Variants in ATG7 observed in about 807,000 individuals in gnomAD.
The protein encoded by ATG7 is autophagy related 7.
ATG7 carries 70 observed loss-of-function variants against 82.4 expected under a neutral mutation model. That is an observed-to-expected ratio of 0.85 (90% CI 0.70 to 1.04). ATG7 has a LOEUF of 1.04. Among genes scored for constraint, ATG7 ranks in the 50% least tolerant of loss-of-function variants. ATG7 has a pLI of 0.00. For missense variants in ATG7, 792 were observed against 864.3 expected (o/e 0.92, Z 1.05); for synonymous variants, 287 against 313.0 (o/e 0.92, Z 0.88).
At chr3:11,449,047 A>G (rs902841814) in intron 20 of ATG7, among the ~76,000 whole-genome samples, 5 of 152,242 alleles carry the variant, frequency 3.3e-5, no homozygotes, top group African/African-American at 9.6e-5. Context: ...CCTTCCCTTC[A>G]TTGAACTTAC....
intron 20 of ATG7, among the ~76,000 whole-genome samples, chr3:11,439,474 T>A (rs1237241561): frequency 6.6e-6 from 1 of 152,200 alleles, no homozygotes; most frequent in Non-Finnish European, 1.5e-5. Context: ...TAAATATTGT[T>A]GATCTTTTAT....
At chr3:11,279,567 C>G (rs1017510258) in intron 1 of ATG7, among the ~76,000 whole-genome samples, 1 of 152,094 alleles carries the variant, frequency 6.6e-6, no homozygotes, top group African/African-American at 2.4e-5. Flanking sequence ...GCCTGTAATC[C>G]CAGCTACTCA....
Position 11,340,663 on chromosome 3 carries a change from G to C in ATG7, c.908G>C (p.Gly303Ala). Residue 303 changes from glycine (G) to alanine (A), a missense_variant, in exon 12 of 21, where the codon GGA becomes GCA. Gly to Ala is a moderately conservative substitution (Grantham distance 60). Coordinates refer to ENST00000693202, the MANE Select transcript of ATG7 (RefSeq NM_001349232.2). Reference protein sequence around the residue: ...AFSPDCPKAVGWEKNQKGGMG... With the variant: ...AFSPDCPKAVAWEKNQKGGMG... ...CCTTAAGATTGTCCTAAAGCAGTTG[G>C]ATGGGAAAAGAACCAGAAAGGAGGC... 9.9e-6 allele frequency: 16 copies of C among 1,613,742 alleles called. No individual in the cohort carries two copies. The highest frequency in any genetic ancestry group is 1.4e-5 in the Non-Finnish European group (16 of 1,179,804).
Position 11,331,325 on chromosome 3 carries a change from CT to C in ATG7, c.679-9del. ...ATGATACTCGACTTACTCAGAAAGT[CT>C]TTTTTGTTCACAGATAACAATTGGT... On this transcript the variant is annotated splice_polypyrimidine_tract_variant and intron_variant, in intron 9 of 20. Transcript: ENST00000693202. 1 of 1,591,470 alleles carries C rather than the reference CT, an allele frequency of 6.3e-7. No homozygotes were observed. Among genetic ancestry groups the C allele is most frequent in the Non-Finnish European group, 8.6e-7 (1 of 1,159,834 alleles).
intron 20 of ATG7, among the ~76,000 whole-genome samples, chr3:11,433,895 T>C (rs905891157): frequency 6.6e-5 from 10 of 152,174 alleles, no homozygotes; most frequent in Admixed American, 3.3e-4. Flanking sequence ...TATAAAATCA[T>C]AAACAGACCA....
intron 9 of ATG7, among the ~76,000 whole-genome samples, chr3:11,319,277 C>T (rs146772102): frequency 9.2e-5 from 14 of 152,304 alleles, no homozygotes; most frequent in African/African-American, 2.9e-4. Flanking sequence ...CTTCGAGCCA[C>T]GACATTTCCT....
chr3:11,299,088 C>A, intron 4 of ATG7: 1 of 605,048 alleles, frequency 1.7e-6, no homozygotes, highest in Non-Finnish European at 2.9e-6. Flanking sequence ...CCAAATAATA[C>A]CCATTACTTA....
chr3:11,459,964 C>A (rs1161486760), intron 20 of ATG7, among the ~76,000 whole-genome samples: 1 of 152,196 alleles, frequency 6.6e-6, no homozygotes, highest in African/African-American at 2.4e-5. Flanking sequence ...GTGCTCTTAT[C>A]CACTGCACCA....
At chr3:11,315,579 A>G (rs1949286043) in intron 9 of ATG7, 86 bp downstream of exon 9, 2 of 1,226,942 alleles carry the variant, frequency 1.6e-6, no homozygotes, top group Non-Finnish European at 2.2e-6. Flanking sequence ...GCAAAATTCA[A>G]ACTTGTTTAG....
At chr3:11,327,065 G>A (rs1950986905) in intron 9 of ATG7, among the ~76,000 whole-genome samples, 1 of 152,152 alleles carries the variant, frequency 6.6e-6, no homozygotes, top group African/African-American at 2.4e-5. Flanking sequence ...CCCTGCTCAA[G>A]ATCTTTGCAG....
At chr3:11,564,979 C>T in the ATG7 span, 1 of 1,530,702 alleles carries the variant, frequency 6.5e-7, no homozygotes, top group South Asian at 1.3e-5. Context: ...CGGCTCCGCT[C>T]CCGGGGGTCT....
intron 13 of ATG7, among the ~76,000 whole-genome samples, chr3:11,342,828 C>G (rs1953873055): frequency 1.3e-5 from 2 of 150,692 alleles, no homozygotes; most frequent in East Asian, 3.9e-4. Context: ...GTTTATATAT[C>G]CATAGGATTT....
the ATG7 span, among the ~76,000 whole-genome samples, chr3:11,571,034 G>C: frequency 6.6e-6 from 1 of 152,190 alleles, no homozygotes; most frequent in East Asian, 1.9e-4. Context: ...GGGTGAAGAC[G>C]ATGTTTGCCG....
At chr3:11,373,096 C>G (rs552643267) in intron 18 of ATG7, among the ~76,000 whole-genome samples, 5 of 150,782 alleles carry the variant, frequency 3.3e-5, no homozygotes, top group East Asian at 3.9e-4. Flanking sequence ...AATGCTTACC[C>G]TACTATAAGG....
At chr3:11,387,984 T>G (rs1454571577) in intron 19 of ATG7, among the ~76,000 whole-genome samples, 2 of 151,960 alleles carry the variant, frequency 1.3e-5, no homozygotes, top group Non-Finnish European at 2.9e-5. Context: ...GCCACACAGT[T>G]TTACAGACAA....
chr3:11,321,098 A>G (rs1950152100), intron 9 of ATG7, among the ~76,000 whole-genome samples: 1 of 152,206 alleles, frequency 6.6e-6, no homozygotes. Context: ...ATGTTTTGGA[A>G]GTAATGGATC....
Position 11,540,309 on chromosome 3 carries a change from G to A in ATG7, c.2080-14502G>A, listed in dbSNP as rs145484503. 4.5e-3 allele frequency among the ~76,000 whole-genome samples: 677 copies of A among 152,128 alleles called. 4 individuals are homozygous for A. Among genetic ancestry groups the A allele is most frequent in the African/African-American group, 0.016 (644 of 41,478 alleles). On this transcript the variant is annotated intron_variant, in intron 20 of 20. Transcript: ENST00000693202. Reference sequence around the variant, plus strand: ...GTTCTCTGATGACAACATCTTTCCCGCATCTCTGATGGGGAACATCTTTTC... The same window carrying A: ...GTTCTCTGATGACAACATCTTTCCCACATCTCTGATGGGGAACATCTTTTC...
chr3:11,477,957 C>G (rs1275982450), intron 20 of ATG7, among the ~76,000 whole-genome samples: 2 of 152,202 alleles, frequency 1.3e-5, no homozygotes, highest in East Asian at 3.8e-4. Flanking sequence ...TCTCTATCTT[C>G]TACCTTTCAT....
intron 5 of ATG7, among the ~76,000 whole-genome samples, chr3:11,302,186 A>G (rs936396218): frequency 3.3e-5 from 5 of 152,240 alleles, no homozygotes; most frequent in African/African-American, 1.2e-4. Context: ...TTTGGAATCT[A>G]TGGCTAATTA....
Sources: gnomAD v4.1 joint callset for allele counts (sites outside exome capture counted in the v4.1 genomes callset) on GRCh38, gnomAD v4.1.1 for gene constraint, MANE v1.5 for transcripts, NCBI Gene and HGNC (gene_info 2026-07-23, HGNC 2026-07-21) for gene names.